SIPA1: variants seen among roughly 807,000 people sequenced by gnomAD.
SIPA1 encodes signal-induced proliferation-associated 1, also known as signal-induced proliferation-associated protein 1.
Under a neutral mutation model 88.1 loss-of-function variants are expected in SIPA1, and 51 were observed. The ratio of observed to expected loss-of-function variants is 0.58; its 90% CI spans 0.46 to 0.73. SIPA1 has a LOEUF of 0.73. Among genes scored for constraint, SIPA1 ranks in the 30% least tolerant of loss-of-function variants. SIPA1 has a pLI of 0.00. For missense variants in SIPA1, 1,348 were observed against 1,467.6 expected, an observed-to-expected ratio of 0.92 and a Z score of 1.33; for synonymous variants, 681 against 664.8, an observed-to-expected ratio of 1.02 and a Z score of -0.37.
intron 8 of SIPA1, 29 bp downstream of exon 8, chr11:65,647,094 T>TGC: frequency 6.8e-7 from 1 of 1,477,134 alleles, no homozygotes; most frequent in Non-Finnish European, 8.9e-7. Flanking sequence ...CTGGGGCCCC[T>TGC]GCGCGCGGCG....
Position 65,647,444 on chromosome 11 carries a change from C to T in SIPA1, c.2092C>T (p.Leu698=). The T allele has an allele frequency of 6.7e-7, 1 of 1,482,782 alleles. No individual in the cohort carries two copies. The highest frequency in any genetic ancestry group is 8.9e-7 in the Non-Finnish European group (1 of 1,124,714). The allele number at this position is 1,482,782 out of a possible 1,614,324, so 91.9% of individuals were successfully genotyped here. ...LALPRDGQGR[L]GFEVDAEGFV... Reference sequence around the variant, plus strand: ...GCTGCCCCGCGACGGTCAAGGCCGCCTGGGCTTCGAGGTGGACGCCGAGGG... The same window carrying T: ...GCTGCCCCGCGACGGTCAAGGCCGCTTGGGCTTCGAGGTGGACGCCGAGGG... The change falls in exon 9 of 16, where the codon CTG becomes TTG. Residue 698 remains leucine (L), a synonymous_variant. Coordinates refer to ENST00000534313, the MANE Select transcript of SIPA1 (RefSeq NM_006747.4).
chr11:65,649,995 C>A lies in SIPA1; in HGVS notation c.2792C>A (p.Ala931Asp). 4 of 1,613,884 alleles carry A rather than the reference C, an allele frequency of 2.5e-6. No individual in the cohort carries two copies. Among genetic ancestry groups the A allele is most frequent in the Non-Finnish European group, 3.4e-6 (4 of 1,179,976 alleles). The change falls in exon 13 of 16, where the codon GCC becomes GAC. Residue 931 changes from alanine to aspartate, a missense_variant. Transcript: ENST00000534313. ...GSGTLEDEWQ[A>D]ISEIASTCNT... The stretch of plus-strand genomic sequence containing the variant: ...GGGACCCTGGAGGACGAGTGGCAGG[C>A]CATCTCGGAGATTGCCTCTACTTGC...
At chr11:65,645,261 T>C (rs1040956236) in intron 5 of SIPA1, 132 bp downstream of exon 5, 9 of 922,746 alleles carry the variant, frequency 9.8e-6, no homozygotes, top group Non-Finnish European at 1.5e-5. Context: ...GCTAAGGATC[T>C]GAGTCAGGGC....
chr11:65,647,641 G>A lies in SIPA1; in HGVS notation c.2289G>A (p.Glu763=). 7.2e-7 allele frequency: 1 copy of A among 1,383,708 alleles called. No homozygotes were observed. Among genetic ancestry groups the A allele is most frequent in the Non-Finnish European group, 9.3e-7 (1 of 1,071,374 alleles). The allele number at this position is 1,383,708 out of a possible 1,614,324, so 85.7% of individuals were successfully genotyped here. A position where few individuals can be genotyped will look rare whatever the true frequency, so the allele number is the denominator to read the frequency against. The part of the protein sequence containing the change: ...KVCVTVLPPD[E]SGRPRRSFSE... ...GCGTCACCGTCCTGCCCCCCGACGA[G>A]AGCGGCCGGCCCCGCAGGTCAGGGT... Residue 763 remains glutamate (E), a synonymous_variant, in exon 9 of 16, where the codon GAG becomes GAA. Transcript: ENST00000534313.
chr11:65,650,737 C>A lies in SIPA1; in HGVS notation c.*22C>A. On this transcript the variant is annotated 3_prime_UTR_variant, in exon 16 of 16. Coordinates refer to ENST00000534313, the MANE Select transcript of SIPA1 (RefSeq NM_006747.4). ...CTGAGCCGTCTGGAACCACCTGGGC[C>A]CCTGAGGGCACTGTGGTCACACTGG... The A allele has an allele frequency of 6.5e-7, 1 of 1,542,158 alleles. No homozygotes were observed. Among genetic ancestry groups the A allele is most frequent in the African/African-American group, 1.4e-5 (1 of 73,540 alleles).
At chr11:65,645,780 G>A (rs923518969) in intron 5 of SIPA1, 74 bp from the exon 6 acceptor site, 2 of 1,001,512 alleles carry the variant, frequency 2.0e-6, no homozygotes, top group Non-Finnish European at 3.0e-6. Flanking sequence ...CTGTGTACAG[G>A]CAGGAATGGC....
Position 65,649,361 on chromosome 11 carries a change from C to T in SIPA1, c.2406C>T (p.Pro802=), listed in dbSNP as rs754893060. Residue 802 remains proline (P), a synonymous_variant, in exon 10 of 16, where the codon CCC becomes CCT. Coordinates refer to ENST00000534313, the MANE Select transcript of SIPA1 (RefSeq NM_006747.4). The part of the protein sequence containing the change: ...QDEVQGVTLL[P]TTKQLLHLCL... ...AGGTCCAGGGGGTGACCCTGCTGCC[C>T]ACCACAAAGCAGCTGCTGCACCTGT... The T allele has an allele frequency of 6.4e-7, 1 of 1,566,294 alleles. No homozygotes were observed. The highest frequency in any genetic ancestry group is 8.7e-7 in the Non-Finnish European group (1 of 1,155,332).
Position 65,645,850 on chromosome 11 carries a change from A to G in SIPA1, c.1160-4A>G. On this transcript the variant is annotated splice_polypyrimidine_tract_variant and splice_region_variant and intron_variant, in intron 5 of 15. Coordinates refer to ENST00000534313, the MANE Select transcript of SIPA1 (RefSeq NM_006747.4). ...CTTCTGTGTCCCTAACTTCCTGGCC[A>G]CAGCGGATTCCACAGGCACGCACTC... 6.2e-7 allele frequency: 1 copy of G among 1,606,868 alleles called. No homozygotes were observed. The highest frequency in any genetic ancestry group is 8.5e-7 in the Non-Finnish European group (1 of 1,175,384).
In SIPA1 at chr11:65,647,585, G is replaced by A. The variant is rs2135526601; in HGVS notation, c.2233G>A (p.Ala745Thr). 5 of 1,378,690 alleles carry A rather than the reference G, an allele frequency of 3.6e-6. No individual in the cohort carries two copies. Among genetic ancestry groups the A allele is most frequent in the East Asian group, 3.3e-5 (1 of 29,860 alleles). 85.4% of individuals were successfully genotyped at this position (1,378,690 alleles called of 1,614,324 possible). A position where few individuals can be genotyped will look rare whatever the true frequency, so the allele number is the denominator to read the frequency against. Residue 745 changes from alanine to threonine, a missense_variant, in exon 9 of 16, where the codon GCC (alanine) becomes ACC (threonine). Physicochemically the swap from Ala to Thr is moderately conservative, Grantham distance 58. Around this residue, in one of 4 missense-constraint regions of SIPA1, gnomAD observed 615 missense variants for 559.8 expected, o/e 1.10. Transcript: ENST00000534313. ...GCCCAGCCTCCGGCCCGAGGCCGCTGCCCAGCTCCTGCGCTCGGCGCCCAA... is the reference window on the plus strand; with the variant it reads ...GCCCAGCCTCCGGCCCGAGGCCGCTACCCAGCTCCTGCGCTCGGCGCCCAA... The part of the protein sequence containing the change: ...TLPSLRPEAA[A>T]QLLRSAPKVC...
In SIPA1 at chr11:65,642,332, A is replaced by T; in HGVS notation, c.762A>T (p.Gly254=). Residue 254 remains glycine, a synonymous_variant, in exon 3 of 16, where the codon GGA becomes GGT. Transcript: ENST00000534313. The surrounding 1 kb of genome is among the most constrained non-coding windows in gnomAD (Gnocchi z 6.5). ...SLRREEKEGS[G]GGTLHSYRVI... ...GGCGGGAGGAGAAGGAGGGCAGCGGAGGGGGCACCCTGCACAGCTACCGCG... is the reference window on the plus strand; with the variant it reads ...GGCGGGAGGAGAAGGAGGGCAGCGGTGGGGGCACCCTGCACAGCTACCGCG... 6.4e-7 allele frequency: 1 copy of T among 1,554,872 alleles called. No homozygotes were observed. The highest frequency in any genetic ancestry group is 8.7e-7 in the Non-Finnish European group (1 of 1,151,198).
At position 65,646,855 on chromosome 11, in the gene SIPA1, G is replaced by A. The variant is rs1856131025; in HGVS notation, c.1821G>A (p.Val607=). ...AQASGPEGIE[V]PCLLGISAEA... is the part of the protein sequence containing the mutation. Reference sequence around the variant, plus strand: ...CGAGCGGCCCCGAAGGCATCGAGGTGCCCTGCCTGCTGGGCATCTCGGCCG... The same window carrying A: ...CGAGCGGCCCCGAAGGCATCGAGGTACCCTGCCTGCTGGGCATCTCGGCCG... The change falls in exon 8 of 16, where the codon GTG becomes GTA. Residue 607 remains valine (V), a synonymous_variant. Coordinates refer to ENST00000534313, the MANE Select transcript of SIPA1 (RefSeq NM_006747.4). The surrounding 1 kb of genome is among the most constrained non-coding windows in gnomAD (Gnocchi z 7.5). 1.4e-6 allele frequency: 2 copies of A among 1,472,914 alleles called. No homozygotes were observed. The highest frequency in any genetic ancestry group is 2.6e-5 in the South Asian group (2 of 76,934). 91.2% of individuals were successfully genotyped at this position (1,472,914 alleles called of 1,614,324 possible).
chr11:65,642,254 TCAG>T lies in SIPA1; in HGVS notation c.685_687del (p.Gln229del). 1.9e-6 allele frequency: 3 copies of T among 1,552,990 alleles called. No homozygotes were observed. The highest frequency in any genetic ancestry group is 1.7e-6 in the Non-Finnish European group (2 of 1,149,482). ...TTCTTCGGCGCGGTCCCCCAGAACATCAGAACTTCTTCGGGATGGACGAGTCGC... is the reference window on the plus strand; with the variant it reads ...TTCTTCGGCGCGGTCCCCCAGAACATAACTTCTTCGGGATGGACGAGTCGC... On this transcript the variant is annotated inframe_deletion, in exon 3 of 16. Transcript: ENST00000534313. This position sits in a 1 kb window ranked among gnomAD's most constrained non-coding sequence, Gnocchi z 6.5.
In SIPA1 at chr11:65,638,853, T is replaced by G. The variant is rs116314187; in HGVS notation, c.-92+671T>G. 5.6e-3 allele frequency among the ~76,000 whole-genome samples: 858 copies of G among 152,282 alleles called. 12 individuals carry two copies. Among genetic ancestry groups the G allele is most frequent in the African/African-American group, 0.02 (818 of 41,546 alleles). ...AGCAAGAGGCAGCGCACAGGCTGGGTGCACACATGCACAGATCTCACTTCC... is the reference window on the plus strand; with the variant it reads ...AGCAAGAGGCAGCGCACAGGCTGGGGGCACACATGCACAGATCTCACTTCC... On this transcript the variant is annotated intron_variant, in intron 1 of 15. Coordinates refer to ENST00000534313, the MANE Select transcript of SIPA1 (RefSeq NM_006747.4).
chr11:65,641,327 G>C lies in SIPA1; in HGVS notation c.406G>C (p.Gly136Arg). ...FDWAPRSQGM[G>R]SHSEASSGTL... is the part of the protein sequence containing the mutation. ...TTGGGCTCCGAGGTCTCAGGGGATG[G>C]GGAGCCACTCAGAGGCCAGCTCTGG... The change falls in exon 2 of 16, where the codon GGG becomes CGG. Residue 136 changes from glycine (G) to arginine (R), a missense_variant. Gly to Arg is a moderately radical substitution (Grantham distance 125). Around this residue, in one of 4 missense-constraint regions of SIPA1, gnomAD observed 641 missense variants for 797.7 expected, o/e 0.80. Coordinates refer to ENST00000534313, the MANE Select transcript of SIPA1 (RefSeq NM_006747.4). 6.2e-7 allele frequency: 1 copy of C among 1,613,510 alleles called. No homozygotes were observed. The highest frequency in any genetic ancestry group is 8.5e-7 in the Non-Finnish European group (1 of 1,180,024).
rs1369682055 is a variant in SIPA1 at position 65,650,580 on chromosome 11, C to G, written c.2994C>G (p.Asp998Glu). 1.2e-6 allele frequency: 2 copies of G among 1,600,412 alleles called. No homozygotes were observed. Among genetic ancestry groups the G allele is most frequent in the South Asian group, 1.1e-5 (1 of 89,792 alleles). ...CCCCGGCACCCCAGGAGAAGGCGGACAGGGCGGCCCTGGAGGAGGAGGTGC... is the reference window on the plus strand; with the variant it reads ...CCCCGGCACCCCAGGAGAAGGCGGAGAGGGCGGCCCTGGAGGAGGAGGTGC... Reference protein sequence around the residue: ...LQEDLQKEKADRAALEEEVRS... With the variant: ...LQEDLQKEKAERAALEEEVRS... Residue 998 changes from aspartate (D) to glutamate (E), a missense_variant, in exon 16 of 16, where the codon GAC becomes GAG. Physicochemically the swap from Asp to Glu is conservative, Grantham distance 45. This residue lies in a region of SIPA1 where 615 missense variants were observed against 559.8 expected (regional missense o/e 1.10). Coordinates refer to ENST00000534313, the MANE Select transcript of SIPA1 (RefSeq NM_006747.4).
rs780176364 is a variant in SIPA1 at position 65,647,408 on chromosome 11, C to T, written c.2056C>T (p.Arg686Cys). ...GCTGGTGAGCCGTGGCTGCGAGACCCGCGAGCTGGCGCTGCCCCGCGACGG... is the reference window on the plus strand; with the variant it reads ...GCTGGTGAGCCGTGGCTGCGAGACCTGCGAGCTGGCGCTGCCCCGCGACGG... Reference protein sequence around the residue: ...LQLVSRGCETRELALPRDGQG... With the variant: ...LQLVSRGCETCELALPRDGQG... Residue 686 changes from arginine (R) to cysteine (C), a missense_variant, in exon 9 of 16, where the codon CGC (arginine) becomes TGC (cysteine). Coordinates refer to ENST00000534313, the MANE Select transcript of SIPA1 (RefSeq NM_006747.4). 6.8e-7 allele frequency: 1 copy of T among 1,463,970 alleles called. No homozygotes were observed. Among genetic ancestry groups the T allele is most frequent in the East Asian group, 3.0e-5 (1 of 33,010 alleles). The allele number at this position is 1,463,970 out of a possible 1,614,324, so 90.7% of individuals were successfully genotyped here. A position where few individuals can be genotyped will look rare whatever the true frequency, so the allele number is the denominator to read the frequency against.
intron 4 of SIPA1, among the ~76,000 whole-genome samples, chr11:65,644,175 CCG>C (rs1856062633): frequency 1.3e-5 from 2 of 151,050 alleles, no homozygotes; most frequent in Admixed American, 6.6e-5. Context: ...AGAAAAAGGC[CCG>C]GGGTTTGGTA....
rs1004206518 is a variant in SIPA1 at position 65,649,811 on chromosome 11, C to G, written c.2692C>G (p.Leu898Val). ...GGACAAGGGCAACCCGGCGCCGGAGCTGAGGGCCTCCTTTCTGCCACGTAC... is the reference window on the plus strand; with the variant it reads ...GGACAAGGGCAACCCGGCGCCGGAGGTGAGGGCCTCCTTTCTGCCACGTAC... Reference protein sequence around the residue: ...SEDKGNPAPELRASFLPRTLS... With the variant: ...SEDKGNPAPEVRASFLPRTLS... The change falls in exon 12 of 16, where the codon CTG (leucine) becomes GTG (valine). Residue 898 changes from leucine (L) to valine (V), a missense_variant. By Grantham distance (32) the Leu-to-Val change is conservative. Transcript: ENST00000534313. 8 of 1,614,102 alleles carry G rather than the reference C, an allele frequency of 5.0e-6. No individual in the cohort carries two copies. Among genetic ancestry groups the G allele is most frequent in the Non-Finnish European group, 6.8e-6 (8 of 1,180,032 alleles).
At chr11:65,649,186 C>T (rs533698653) in intron 9 of SIPA1, 76 bp from the exon 10 acceptor site, 67 of 1,070,920 alleles carry the variant, frequency 6.3e-5, no homozygotes, top group Middle Eastern at 2.3e-4. Context: ...GTGAGCCTGG[C>T]GGGCTGGGGG....
Sources: allele counts gnomAD v4.1 joint callset (sites outside exome capture counted in the v4.1 genomes callset), GRCh38; gene constraint gnomAD v4.1.1; regional missense constraint gnomAD v4.1.1; non-coding constraint Gnocchi (gnomAD v3.1); transcripts MANE v1.5; gene names NCBI Gene and HGNC (gene_info 2026-07-23, HGNC 2026-07-21).